The following CEP41 variants were observed in gnomAD, a reference collection of about 807,000 sequenced individuals.
CEP41 encodes the protein centrosomal protein of 41 kDa.
CEP41 carries 32 observed loss-of-function variants against 44.3 expected under a neutral mutation model. The observed-to-expected ratio is 0.72, with a 90% CI of 0.54 to 0.97. The LOEUF (loss-of-function observed/expected upper bound fraction) is 0.97, where lower values mean the gene tolerates loss of function less well. Among genes scored for constraint, CEP41 ranks in the 50% least tolerant of loss-of-function variants. CEP41 has a pLI of 0.00. For synonymous variants in CEP41, 151 were observed against 168.5 expected, an observed-to-expected ratio of 0.90 and a Z score of 0.80; for missense variants, 432 against 455.2, an observed-to-expected ratio of 0.95 and a Z score of 0.46.
chr7:130,399,159 T>G, intron 10 of CEP41, 120 bp from the exon 11 acceptor site: 12 of 1,273,516 alleles, frequency 9.4e-6, no homozygotes, highest in Non-Finnish European at 1.2e-5. Flanking sequence ...AATGAAGTCC[T>G]ATGCAGTATC....
In CEP41 at chr7:130,426,543, A is replaced by G. The variant is rs1584899474; in HGVS notation, c.97+1412T>C. On this transcript the variant is annotated intron_variant, in intron 2 of 10. Coordinates refer to ENST00000223208, the MANE Select transcript of CEP41 (RefSeq NM_018718.3). The stretch of plus-strand genomic sequence containing the variant: ...ATTATAAGAAAGTATACAGATTCCA[A>G]AAGAAATTCCTTCCTTTATAGTAGT... 3 of 398,452 alleles carry G rather than the reference A, an allele frequency of 7.5e-6. No individual in the cohort carries two copies. In the East Asian group the frequency reaches 2.4e-4, roughly 32 times the overall value. The allele number at this position is 398,452 out of a possible 1,614,324, so 24.7% of individuals were successfully genotyped here. A position where few individuals can be genotyped will look rare whatever the true frequency, so the allele number is the denominator to read the frequency against.
At position 130,401,900 on chromosome 7, in the gene CEP41, G is replaced by T; in HGVS notation, c.623C>A (p.Ser208Ter). ...GGATACATATTCAAGAATATCATTTGAATAAGGGTTCATTGTTCTAGACAG... is the reference window on the plus strand; with the variant it reads ...GGATACATATTCAAGAATATCATTTTAATAAGGGTTCATTGTTCTAGACAG... ...ATLSRTMNPY[S>*]NDILEYKNAH... The change falls in exon 8 of 11, where the codon TCA (serine) becomes TAA (stop). Residue 208 changes from serine to a stop codon, truncating the protein, a stop_gained. Transcript: ENST00000223208. LOFTEE classifies it high-confidence loss of function. The T allele has an allele frequency of 1.2e-6, 2 of 1,607,178 alleles. No individual in the cohort carries two copies. Among genetic ancestry groups the T allele is most frequent in the South Asian group, 1.1e-5 (1 of 90,866 alleles).
At chr7:130,411,951 G>A (rs940648951) in intron 4 of CEP41, 8 of 462,282 alleles carry the variant, frequency 1.7e-5, no homozygotes, top group African/African-American at 1.6e-4. Context: ...ATTAAAAGTA[G>A]GGCAAACATT....
intron 2 of CEP41, among the ~76,000 whole-genome samples, chr7:130,423,648 C>T (rs1444482318): frequency 6.6e-6 from 1 of 152,218 alleles, no homozygotes; most frequent in Non-Finnish European, 1.5e-5. Flanking sequence ...AACACATGTT[C>T]ACACATAAAT....
chr7:130,426,582 T>C, intron 2 of CEP41: 1 of 452,128 alleles, frequency 2.2e-6, no homozygotes, highest in South Asian at 1.6e-5. Flanking sequence ...TAAAATAATA[T>C]CTAGACTCCT....
Position 130,410,119 on chromosome 7 carries a change from G to A in CEP41, c.277+1003C>T, listed in dbSNP as rs542350671. 2.7e-5 allele frequency among the ~76,000 whole-genome samples: 4 copies of A among 149,918 alleles called. No individual in the cohort carries two copies. The South Asian group carries it at 8.5e-4, about 32-fold the overall frequency. On this transcript the variant is annotated intron_variant, in intron 5 of 10. Coordinates refer to ENST00000223208, the MANE Select transcript of CEP41 (RefSeq NM_018718.3). ...CAGCTCACTGCAACCTCCGCCTCCT[G>A]GGTTCAAGCAATTCTCCTGCCTCAG... is the stretch of plus-strand genomic sequence containing the variant.
chr7:130,402,520 A>G, intron 7 of CEP41, 128 bp downstream of exon 7: 1 of 1,023,840 alleles, frequency 9.8e-7, no homozygotes, highest in Non-Finnish European at 1.5e-6. Context: ...ATAGGATTCC[A>G]TAATGGATCC....
intron 1 of CEP41, among the ~76,000 whole-genome samples, chr7:130,428,906 G>T (rs1333413769): frequency 6.7e-6 from 1 of 150,104 alleles, no homozygotes; most frequent in Non-Finnish European, 1.5e-5. Context: ...GTGAGACTCT[G>T]TCTCAAAAAA....
At position 130,416,937 on chromosome 7, in the gene CEP41, G is replaced by C. The variant is rs781963259; in HGVS notation, c.127C>G (p.Leu43Val). ...GNSMTKYTEK[L>V]EEIKKNYRYK... Reference sequence around the variant, plus strand: ...TACTTACTTTTCTTAATCTCTTCGAGCTTCTCAGTATATTTAGTCATACTG... The same window carrying C: ...TACTTACTTTTCTTAATCTCTTCGACCTTCTCAGTATATTTAGTCATACTG... The change falls in exon 3 of 11, where the codon CTC (leucine) becomes GTC (valine). Residue 43 changes from leucine (L) to valine (V), a missense_variant. Physicochemically the swap from Leu to Val is conservative, Grantham distance 32 (BLOSUM62 1). Coordinates refer to ENST00000223208, the MANE Select transcript of CEP41 (RefSeq NM_018718.3). The C allele has an allele frequency of 6.3e-7, 1 of 1,590,414 alleles. No individual in the cohort carries two copies. The highest frequency in any genetic ancestry group is 1.1e-5 in the South Asian group (1 of 90,578).
Position 130,397,183 on chromosome 7 carries a change from T to G in CEP41, c.*1708A>C, listed in dbSNP as rs782366739. On this transcript the variant is annotated 3_prime_UTR_variant, in exon 11 of 11. Transcript: ENST00000223208. ...ATTTTGGCATTAGCAAAGGCTGAAC[T>G]AAGTTCTCAGGCAATAAATTTATGG... 2 of 454,558 alleles carry G rather than the reference T, an allele frequency of 4.4e-6. No homozygotes were observed. Among genetic ancestry groups the G allele is most frequent in the Non-Finnish European group, 8.8e-6 (2 of 226,784 alleles). 28.2% of individuals were successfully genotyped at this position (454,558 alleles called of 1,614,324 possible).
chr7:130,412,174 CTTACCAGCTGGGCAA>C lies in CEP41; in HGVS notation c.197_207+4del, dbSNP rs1797201316. On this transcript the variant is annotated splice_donor_variant and splice_donor_region_variant and coding_sequence_variant and intron_variant, in exon 4 of 11. Coordinates refer to ENST00000223208, the MANE Select transcript of CEP41 (RefSeq NM_018718.3). LOFTEE classifies it high-confidence loss of function. Reference sequence around the variant, plus strand: ...TTACTCCAGTGGAAAAATCAAGAAACTTACCAGCTGGGCAAAAGTTGTAACTTTTAGTCTCTTGAA... The same window carrying C: ...TTACTCCAGTGGAAAAATCAAGAAACAAGTTGTAACTTTTAGTCTCTTGAA... 6.6e-7 allele frequency: 1 copy of C among 1,516,932 alleles called. No individual in the cohort carries two copies. The allele number at this position is 1,516,932 out of a possible 1,614,324, so 94.0% of individuals were successfully genotyped here.
chr7:130,411,909 A>G (rs1175370130), intron 4 of CEP41: 1 of 343,084 alleles, frequency 2.9e-6, no homozygotes, highest in Admixed American at 4.5e-5. Flanking sequence ...TAAATGTATA[A>G]GGAAAAAAAC....
chr7:130,402,187 T>C (rs1185097829), intron 7 of CEP41, among the ~76,000 whole-genome samples: 2 of 151,678 alleles, frequency 1.3e-5, no homozygotes, highest in Non-Finnish European at 2.9e-5. Flanking sequence ...CTATAAAAAA[T>C]ACAAAAACAT....
chr7:130,420,913 C>T (rs1554422067), intron 2 of CEP41: 1 of 976,134 alleles, frequency 1.0e-6, no homozygotes. Context: ...TTTCTGCACA[C>T]CTGATTTTCT....
chr7:130,438,285 C>T (rs186035416), intron 1 of CEP41, among the ~76,000 whole-genome samples: 12 of 152,258 alleles, frequency 7.9e-5, no homozygotes, highest in African/African-American at 2.4e-4. Flanking sequence ...TGGCAGGGCG[C>T]GGTGGCTCAT....
intron 3 of CEP41, 143 bp downstream of exon 3, chr7:130,416,776 G>C (rs1427685691): frequency 1.4e-6 from 1 of 739,250 alleles, no homozygotes; most frequent in Admixed American, 1.9e-5. Context: ...ATCTCCCACA[G>C]CCCTTGAGGC....
At chr7:130,424,239 A>C (rs1024803787) in intron 2 of CEP41, among the ~76,000 whole-genome samples, 1 of 152,034 alleles carries the variant, frequency 6.6e-6, no homozygotes, top group Admixed American at 6.6e-5. Context: ...TCTACCAAAA[A>C]ATACAAAAAT....
Position 130,395,754 on chromosome 7 carries a change from T to C in CEP41, c.*3137A>G. 2.2e-6 allele frequency: 1 copy of C among 453,898 alleles called. No homozygotes were observed. Among genetic ancestry groups the C allele is most frequent in the Non-Finnish European group, 4.4e-6 (1 of 226,758 alleles). 28.1% of individuals were successfully genotyped at this position (453,898 alleles called of 1,614,324 possible). A position where few individuals can be genotyped will look rare whatever the true frequency, so the allele number is the denominator to read the frequency against. ...AGTAGCCTAAAGTCTTAAGAATTTT[T>C]GTATAATTTAAATAGCACCACAGGA... On this transcript the variant is annotated 3_prime_UTR_variant, in exon 11 of 11. Transcript: ENST00000223208.
chr7:130,400,957 C>T (rs1796826462), intron 8 of CEP41, 136 bp from the exon 9 acceptor site: 1 of 692,028 alleles, frequency 1.4e-6, no homozygotes, highest in South Asian at 1.5e-5. Flanking sequence ...CCTACCGTCA[C>T]ACCAGCAGGG....
Sources: gnomAD v4.1 joint callset for allele counts (sites outside exome capture counted in the v4.1 genomes callset) on GRCh38, gnomAD v4.1.1 for gene constraint, MANE v1.5 for transcripts, NCBI Gene and HGNC (gene_info 2026-07-23, HGNC 2026-07-21) for gene names.